Variants in SLC27A4 observed in about 807,000 individuals in gnomAD.
SLC27A4 encodes long-chain fatty acid transport protein 4.
SLC27A4 carries 33 observed loss-of-function variants against 64.4 expected under a neutral mutation model. That is an observed-to-expected ratio of 0.51 (90% confidence interval 0.39 to 0.68). The LOEUF (loss-of-function observed/expected upper bound fraction) is 0.68, where lower values mean the gene tolerates loss of function less well. Among genes scored for constraint, SLC27A4 ranks in the 30% least tolerant of loss-of-function variants. SLC27A4 has a pLI of 0.00. For synonymous variants in SLC27A4, 377 were observed against 370.0 expected, an observed-to-expected ratio of 1.02 and a Z score of -0.22; for missense variants, 824 against 883.5, an observed-to-expected ratio of 0.93 and a Z score of 0.85.
intron 1 of SLC27A4, chr9:128,342,186 A>C: frequency 6.7e-7 from 1 of 1,498,240 alleles, no homozygotes; most frequent in African/African-American, 1.4e-5. Context: ...CGCAGACCAG[A>C]CTTCGCTCGT....
At position 128,343,552 on chromosome 9, in the gene SLC27A4, C is replaced by T. The variant is rs571962860; in HGVS notation, c.161+259C>T. On this transcript the variant is annotated intron_variant, in intron 2 of 12. Coordinates refer to ENST00000300456, the MANE Select transcript of SLC27A4 (RefSeq NM_005094.4). ...TTGGGCAGGCTTGGCCTAGGACGTA[C>T]ATTGAACACCAAGTGTGTTGAGACA... Among the ~76,000 whole-genome samples the T allele has an allele frequency of 1.1e-3, 169 of 152,308 alleles. 1 individual carries two copies. Among genetic ancestry groups the T allele is most frequent in the African/African-American group, 4.0e-3 (166 of 41,566 alleles).
intron 4 of SLC27A4, among the ~76,000 whole-genome samples, chr9:128,349,226 G>A (rs1314261924): frequency 1.3e-5 from 2 of 152,146 alleles, no homozygotes; most frequent in Admixed American, 6.5e-5. Context: ...TAGCCTACCT[G>A]GTTCTTCTGC....
Position 128,343,142 on chromosome 9 carries a change from G to A in SLC27A4, c.10G>A (p.Gly4Arg). The change falls in exon 2 of 13, where the codon GGA (glycine) becomes AGA (arginine). Residue 4 changes from glycine to arginine, a missense_variant. Coordinates refer to ENST00000300456, the MANE Select transcript of SLC27A4 (RefSeq NM_005094.4). MLL[G>R]ASLVGVLLFS... is the part of the protein sequence containing the mutation. ...GTGTCCGCAGGCCACAATGCTGCTT[G>A]GAGCCTCTCTGGTGGGGGTGCTGCT... is the stretch of plus-strand genomic sequence containing the variant. 6.2e-7 allele frequency: 1 copy of A among 1,613,742 alleles called. No homozygotes were observed. The highest frequency in any genetic ancestry group is 8.5e-7 in the Non-Finnish European group (1 of 1,179,942).
rs1428701833 is a variant in SLC27A4, at chr9:128,355,118, C to T, written c.1390C>T (p.Leu464Phe). 17 of 1,613,734 alleles carry T rather than the reference C, an allele frequency of 1.1e-5. No individual in the cohort carries two copies. Among genetic ancestry groups the T allele is most frequent in the Non-Finnish European group, 1.4e-5 (17 of 1,179,856 alleles). The change falls in exon 10 of 13, where the codon CTC becomes TTC. Residue 464 changes from leucine (L) to phenylalanine (F), a missense_variant. Coordinates refer to ENST00000300456, the MANE Select transcript of SLC27A4 (RefSeq NM_005094.4). The stretch of plus-strand genomic sequence containing the variant: ...CCCCCTGCGCCGCTTCGATGGCTAC[C>T]TCAACCAGGGCGCCAACAACAAGAA... Reference protein sequence around the residue: ...KDPLRRFDGYLNQGANNKKIA... With the variant: ...KDPLRRFDGYFNQGANNKKIA...
chr9:128,360,840 A>G lies in SLC27A4; in HGVS notation c.*349A>G, dbSNP rs1489738905. On this transcript the variant is annotated 3_prime_UTR_variant, in exon 13 of 13. Transcript: ENST00000300456. ...GAGCAGGGAGCTTATAAATGGAACC[A>G]GAGCAGAAGTCCCCAGACTCAGGAA... The G allele has an allele frequency of 8.9e-6, 3 of 335,798 alleles. No individual in the cohort carries two copies. Among genetic ancestry groups the G allele is most frequent in the East Asian group, 1.5e-4 (2 of 13,368 alleles). The allele number at this position is 335,798 out of a possible 1,614,324, so 20.8% of individuals were successfully genotyped here.
At chr9:128,354,954 A>AG (rs1832794133) in intron 9 of SLC27A4, 99 bp from the exon 10 acceptor site, 1 of 95,376 alleles carries the variant, frequency 1.0e-5, no homozygotes, top group South Asian at 2.9e-4. Context: ...ACTCCGTCTC[A>AG]AAAAAAAAAA....
At chr9:128,353,000 C>T (rs774874970) in intron 7 of SLC27A4, 25 bp from the exon 8 acceptor site, 57 of 1,597,730 alleles carry the variant, frequency 3.6e-5, no homozygotes, top group African/African-American at 2.6e-4. Context: ...TCTGGAGCCT[C>T]GAATCACACC....
chr9:128,340,738 G>C lies in SLC27A4; in HGVS notation c.-107G>C. ...AGCCGGCTAAACCCTGCTGAGACCCGGCTCCGTGCGTCCAGGGGCGGCTAA... is the reference window on the plus strand; with the variant it reads ...AGCCGGCTAAACCCTGCTGAGACCCCGCTCCGTGCGTCCAGGGGCGGCTAA... On this transcript the variant is annotated 5_prime_UTR_variant, in exon 1 of 13. Transcript: ENST00000300456. 2 of 646,314 alleles carry C rather than the reference G, an allele frequency of 3.1e-6. No homozygotes were observed. Among genetic ancestry groups the C allele is most frequent in the Non-Finnish European group, 5.7e-6 (2 of 350,718 alleles). The allele number at this position is 646,314 out of a possible 1,614,324, so 40.0% of individuals were successfully genotyped here.
At chr9:128,344,335 T>C (rs1439540341) in intron 2 of SLC27A4, among the ~76,000 whole-genome samples, 1 of 152,020 alleles carries the variant, frequency 6.6e-6, no homozygotes, top group East Asian at 1.9e-4. Flanking sequence ...CTGGGCAACA[T>C]GGCAAAACCC....
At chr9:128,348,043 G>A (rs1204811804) in intron 3 of SLC27A4, among the ~76,000 whole-genome samples, 1 of 152,176 alleles carries the variant, frequency 6.6e-6, no homozygotes, top group Non-Finnish European at 1.5e-5. Flanking sequence ...GTTATGTGAT[G>A]TCCGTGCAGT....
chr9:128,346,069 T>C (rs1167027229), intron 3 of SLC27A4, among the ~76,000 whole-genome samples: 1 of 152,042 alleles, frequency 6.6e-6, no homozygotes, highest in Admixed American at 6.6e-5. Flanking sequence ...CCTGGCTAAA[T>C]TTCACATTTT....
intron 12 of SLC27A4, among the ~76,000 whole-genome samples, chr9:128,357,011 T>C (rs1297289481): frequency 6.6e-6 from 1 of 151,216 alleles, no homozygotes; most frequent in African/African-American, 2.4e-5. Flanking sequence ...GGAGGATCGC[T>C]TGAGCCCCGG....
Position 128,355,157 on chromosome 9 carries a change from G to T in SLC27A4, c.1429G>T (p.Val477Phe), listed in dbSNP as rs1215323148. ...GANNKKIAKD[V>F]FKKGDQAYLT... is the part of the protein sequence containing the mutation. ...CAACAACAAGAAGATTGCCAAGGAT[G>T]TCTTCAAGAAGGGGGACCAGGCCTA... The change falls in exon 10 of 13, where the codon GTC becomes TTC. Residue 477 changes from valine (V) to phenylalanine (F), a missense_variant. Physicochemically the swap from Val to Phe is conservative, Grantham distance 50 (BLOSUM62 -1). Transcript: ENST00000300456. 1 of 1,613,602 alleles carries T rather than the reference G, an allele frequency of 6.2e-7. No individual in the cohort carries two copies. The highest frequency in any genetic ancestry group is 1.3e-5 in the African/African-American group (1 of 74,912).
chr9:128,344,715 A>T lies in SLC27A4; in HGVS notation c.162-440A>T, dbSNP rs181371953. On this transcript the variant is annotated intron_variant, in intron 2 of 12. Coordinates refer to ENST00000300456, the MANE Select transcript of SLC27A4 (RefSeq NM_005094.4). ...AACTCATTCATTATTTACTGTGGTC[A>T]TGGTGGGTCGAGGGAGCAGCTGGAC... Among the ~76,000 whole-genome samples the T allele has an allele frequency of 9.8e-5, 15 of 152,304 alleles. No individual in the cohort carries two copies. The East Asian group carries it at 2.9e-3, about 29-fold the overall frequency.
Position 128,353,732 on chromosome 9 carries a change from A to G in SLC27A4, c.1324+191A>G, listed in dbSNP as rs1329727899. 1.3e-5 allele frequency among the ~76,000 whole-genome samples: 2 copies of G among 149,128 alleles called. 1 individual carries two copies. Among genetic ancestry groups the G allele is most frequent in the African/African-American group, 5.0e-5 (2 of 40,236 alleles). On this transcript the variant is annotated intron_variant, in intron 9 of 12. Coordinates refer to ENST00000300456, the MANE Select transcript of SLC27A4 (RefSeq NM_005094.4). This position sits in a 1 kb window ranked among gnomAD's most constrained non-coding sequence, Gnocchi z 4.9. ...CGCCATTCTATCTGTACATCAGTCC[A>G]TTCATTCATTCTTTTTTTTTTTTTT...
rs587777746 is a variant in SLC27A4, at chr9:128,350,296, C to T, written c.716-16C>T. On this transcript the variant is annotated splice_polypyrimidine_tract_variant and intron_variant, in intron 4 of 12. Transcript: ENST00000300456. ...CTGAGCTGCCCCCGACAGCCACTCG[C>T]GTCTGTTTTCTTTAGATAAACTGTT... 34 of 1,611,464 alleles carry T rather than the reference C, an allele frequency of 2.1e-5. No individual in the cohort carries two copies. The East Asian group carries it at 2.5e-4, about 12-fold the overall frequency.
In SLC27A4 at chr9:128,340,798, C is replaced by T. The variant is rs577542298; in HGVS notation, c.-47C>T. The T allele has an allele frequency of 3.2e-5, 22 of 688,738 alleles. No individual in the cohort carries two copies. The African/African-American group carries it at 3.9e-4, about 12-fold the overall frequency. 42.7% of individuals were successfully genotyped at this position (688,738 alleles called of 1,614,324 possible). ...CGCTGTCTACGCTGCTGCAACCGGGCCGCATCTGGACGGGGCGCCGCGCGG... is the reference window on the plus strand; with the variant it reads ...CGCTGTCTACGCTGCTGCAACCGGGTCGCATCTGGACGGGGCGCCGCGCGG... On this transcript the variant is annotated 5_prime_UTR_variant, in exon 1 of 13. Coordinates refer to ENST00000300456, the MANE Select transcript of SLC27A4 (RefSeq NM_005094.4).
Position 128,345,325 on chromosome 9 carries a change from C to T in SLC27A4, c.332C>T (p.Ser111Leu). The T allele has an allele frequency of 6.2e-7, 1 of 1,613,910 alleles. No homozygotes were observed. The highest frequency in any genetic ancestry group is 8.5e-7 in the Non-Finnish European group (1 of 1,180,026). ...HWTFRQLDEY[S>L]SSVANFLQAR... ...ACCTTCCGCCAGCTGGATGAGTACT[C>T]AAGCAGTGTAGCCAACTTCCTGCAG... The change falls in exon 3 of 13, where the codon TCA (serine) becomes TTA (leucine). Residue 111 changes from serine (S) to leucine (L), a missense_variant. Ser to Leu is a moderately radical substitution (Grantham distance 145). Coordinates refer to ENST00000300456, the MANE Select transcript of SLC27A4 (RefSeq NM_005094.4). This position sits in a 1 kb window ranked among gnomAD's most constrained non-coding sequence, Gnocchi z 4.1.
At position 128,360,433 on chromosome 9, in the gene SLC27A4, A is replaced by G; in HGVS notation, c.1874A>G (p.Tyr625Cys). ...TATCTAGATGCCCAGAAGGGCCGCTACGTCCCGCTGGACCAAGAGGCCTAC... is the reference window on the plus strand; with the variant it reads ...TATCTAGATGCCCAGAAGGGCCGCTGCGTCCCGCTGGACCAAGAGGCCTAC... ...LFYLDAQKGR[Y>C]VPLDQEAYSR... is the part of the protein sequence containing the mutation. The change falls in exon 13 of 13, where the codon TAC becomes TGC. Residue 625 changes from tyrosine (Y) to cysteine (C), a missense_variant. Tyr to Cys is a radical substitution (Grantham distance 194). Coordinates refer to ENST00000300456, the MANE Select transcript of SLC27A4 (RefSeq NM_005094.4). 6.2e-7 allele frequency: 1 copy of G among 1,614,130 alleles called. No individual in the cohort carries two copies. Among genetic ancestry groups the G allele is most frequent in the Non-Finnish European group, 8.5e-7 (1 of 1,180,024 alleles).
Sources: allele counts gnomAD v4.1 joint callset (sites outside exome capture counted in the v4.1 genomes callset), GRCh38; gene constraint gnomAD v4.1.1; non-coding constraint Gnocchi (gnomAD v3.1); transcripts MANE v1.5; gene names NCBI Gene and HGNC (gene_info 2026-07-23, HGNC 2026-07-21).